Variants in SLC8A2 observed in about 807,000 individuals in gnomAD.
SLC8A2 encodes the protein solute carrier family 8 member A2.
In SLC8A2, 14 loss-of-function variants were observed where a neutral mutation model predicts 70.2. That is an observed-to-expected ratio of 0.20 (90% CI 0.13 to 0.31). SLC8A2 has a LOEUF of 0.31. Ranked by LOEUF, SLC8A2 falls within the 10% of genes least tolerant of loss-of-function variation. The pLI, the probability that SLC8A2 is intolerant of heterozygous loss-of-function variation, is 1.00. For missense variants in SLC8A2, 779 were observed against 1,320.1 expected (o/e 0.59, Z 6.35); for synonymous variants, 575 against 594.3 (o/e 0.97, Z 0.47).
Position 47,468,293 on chromosome 19 carries a change from G to A in SLC8A2, c.-16-1874C>T, listed in dbSNP as rs1967489608. ...CTGCTGTTCCCCCTTCCTCGAACAC[G>A]CTTCTCTATTTATGTATTTTTGAGA... On this transcript the variant is annotated intron_variant, in intron 1 of 9. Transcript: ENST00000236877. This position sits in a 1 kb window ranked among gnomAD's most constrained non-coding sequence, Gnocchi z 5.1. Among the ~76,000 whole-genome samples the A allele has an allele frequency of 6.6e-6, 1 of 151,914 alleles. No homozygotes were observed. The highest frequency in any genetic ancestry group is 6.6e-5 in the Admixed American group (1 of 15,224).
intron 6 of SLC8A2, 48 bp from the exon 7 acceptor site, chr19:47,438,021 TGGGCC>T: frequency 6.2e-7 from 1 of 1,611,342 alleles, no homozygotes; most frequent in Non-Finnish European, 8.5e-7. Flanking sequence ...CCTACCTAAT[TGGGCC>T]TGTGACGCCT....
rs1223907465 is a variant in SLC8A2, at chr19:47,447,003, C to A, written c.1763+806G>T. 6.6e-6 allele frequency among the ~76,000 whole-genome samples: 1 copy of A among 152,116 alleles called. No homozygotes were observed. The highest frequency in any genetic ancestry group is 1.5e-5 in the Non-Finnish European group (1 of 68,010). ...CAGGCTCCCCAGTGTCTCCCCAGGC[C>A]CTGCCCTGCCTTCCCAGGCCCCCAG... On this transcript the variant is annotated intron_variant, in intron 4 of 9. Coordinates refer to ENST00000236877, the MANE Select transcript of SLC8A2 (RefSeq NM_015063.3). The surrounding 1 kb of genome is among the most constrained non-coding windows in gnomAD (Gnocchi z 5.1).
intron 2 of SLC8A2, among the ~76,000 whole-genome samples, chr19:47,462,313 G>A (rs1967405423): frequency 6.6e-6 from 1 of 152,004 alleles, no homozygotes; most frequent in Non-Finnish European, 1.5e-5. Flanking sequence ...TGCCCAGGCT[G>A]GAGTGCAGTG....
intron 6 of SLC8A2, among the ~76,000 whole-genome samples, chr19:47,439,646 C>T (rs1234667279): frequency 1.3e-5 from 2 of 151,560 alleles, no homozygotes; most frequent in Admixed American, 6.6e-5. Flanking sequence ...TCCTTCCTCC[C>T]CTCCCTCCCT....
At chr19:47,441,888 G>A (rs1967104209) in intron 4 of SLC8A2, among the ~76,000 whole-genome samples, 1 of 152,216 alleles carries the variant, frequency 6.6e-6, no homozygotes. Flanking sequence ...CGGATCACGA[G>A]GTCAAGAGAT....
In SLC8A2 at chr19:47,432,675, A is replaced by C. The variant is rs1401643433; in HGVS notation, c.2111-230T>G. 2 of 470,100 alleles carry C rather than the reference A, an allele frequency of 4.3e-6. No individual in the cohort carries two copies. Among genetic ancestry groups the C allele is most frequent in the Non-Finnish European group, 7.4e-6 (2 of 269,028 alleles). The allele number at this position is 470,100 out of a possible 1,614,324, so 29.1% of individuals were successfully genotyped here. On this transcript the variant is annotated intron_variant, in intron 8 of 9. Coordinates refer to ENST00000236877, the MANE Select transcript of SLC8A2 (RefSeq NM_015063.3). The surrounding 1 kb of genome is among the most constrained non-coding windows in gnomAD (Gnocchi z 6.2). ...GGTGAAAAATATTTACTTTCCCAGA[A>C]TCCTTTGGATCTAAATATGGCTAAG...
At chr19:47,453,286 T>C (rs1967266458) in intron 3 of SLC8A2, among the ~76,000 whole-genome samples, 1 of 152,198 alleles carries the variant, frequency 6.6e-6, no homozygotes, top group Admixed American at 6.5e-5. Flanking sequence ...ATAATAGAAA[T>C]GCAAATCTAC....
At position 47,470,065 on chromosome 19, in the gene SLC8A2, G is replaced by A. The variant is rs569197096; in HGVS notation, c.-17+1724C>T. Among the ~76,000 whole-genome samples, 35 of 152,316 alleles carry A rather than the reference G, an allele frequency of 2.3e-4. 1 individual carries two copies. The South Asian group carries it at 6.4e-3, about 28-fold the overall frequency. On this transcript the variant is annotated intron_variant, in intron 1 of 9. Transcript: ENST00000236877. ...CTTTTCTGACTGTGCCTGTGTTGGG[G>A]GGCTGGCCCTTGCAGGACCGAGCTG... is the stretch of plus-strand genomic sequence containing the variant.
At chr19:47,467,407 C>A (rs1408294079) in intron 1 of SLC8A2, among the ~76,000 whole-genome samples, 2 of 152,044 alleles carry the variant, frequency 1.3e-5, no homozygotes, top group Non-Finnish European at 2.9e-5. Flanking sequence ...GGTGTTGGGC[C>A]GTGTTTGTCT....
chr19:47,463,679 CA>C lies in SLC8A2; in HGVS notation c.675+2049del, dbSNP rs200422472. Among the ~76,000 whole-genome samples, 928 of 120,050 alleles carry C rather than the reference CA, an allele frequency of 7.7e-3. 3 individuals carry two copies. Among genetic ancestry groups the C allele is most frequent in the East Asian group, 0.063 (260 of 4,124 alleles). 78.8% of individuals were successfully genotyped at this position (120,050 alleles called of 152,430 possible). A position where few individuals can be genotyped will look rare whatever the true frequency, so the allele number is the denominator to read the frequency against. On this transcript the variant is annotated intron_variant, in intron 2 of 9. Transcript: ENST00000236877. ...AGAGCGACAGAGAAAGACTCTGTCTCAAAAAAAAAAAAAAAGAAAGAAATAG... is the reference window on the plus strand; with the variant it reads ...AGAGCGACAGAGAAAGACTCTGTCTCAAAAAAAAAAAAAAGAAAGAAATAG...
Position 47,466,388 on chromosome 19 carries a change from A to C in SLC8A2, c.16T>G (p.Leu6Val), listed in dbSNP as rs892282666. The part of the protein sequence containing the change: MAPLA[L>V]VGVTLLLAAP... ...GCCAGGAGGAGTGTGACCCCCACCA[A>C]GGCCAGGGGAGCCATGGGGGGTGGT... Residue 6 changes from leucine to valine, a missense_variant, in exon 2 of 10, where the codon TTG becomes GTG. By Grantham distance (32) the Leu-to-Val change is conservative (BLOSUM62 1). Around this residue, in one of 6 missense-constraint regions of SLC8A2, gnomAD observed 65 missense variants for 61.3 expected, o/e 1.06. Transcript: ENST00000236877. The surrounding 1 kb of genome is among the most constrained non-coding windows in gnomAD (Gnocchi z 6.9). 8 of 1,418,204 alleles carry C rather than the reference A, an allele frequency of 5.6e-6. No homozygotes were observed. In the African/African-American group the frequency reaches 1.0e-4, roughly 18 times the overall value. The allele number at this position is 1,418,204 out of a possible 1,614,324, so 87.9% of individuals were successfully genotyped here. A position where few individuals can be genotyped will look rare whatever the true frequency, so the allele number is the denominator to read the frequency against.
intron 8 of SLC8A2, among the ~76,000 whole-genome samples, chr19:47,435,419 G>A (rs966235120): frequency 1.3e-5 from 2 of 151,930 alleles, no homozygotes; most frequent in African/African-American, 4.8e-5. Flanking sequence ...CTCATCCTCC[G>A]TCTCCACTAA....
intron 8 of SLC8A2, among the ~76,000 whole-genome samples, chr19:47,433,667 T>G (rs75380522): frequency 6.6e-6 from 1 of 151,868 alleles, no homozygotes; most frequent in South Asian, 2.1e-4. Context: ...TTTTTTTTTT[T>G]GAGACAGAGC....
At chr19:47,460,303 G>A (rs1967378235) in intron 2 of SLC8A2, among the ~76,000 whole-genome samples, 1 of 152,196 alleles carries the variant, frequency 6.6e-6, no homozygotes, top group Non-Finnish European at 1.5e-5. Context: ...TCATCTCTTG[G>A]TCTATACAAT....
At chr19:47,446,285 AG>A (rs1220900690) in intron 4 of SLC8A2, among the ~76,000 whole-genome samples, 15 of 10,658 alleles carry the variant, frequency 1.4e-3, no homozygotes, top group African/African-American at 6.4e-3. Flanking sequence ...CATCCTGGGC[AG>A]GGGGGTGGGG....
chr19:47,465,656 C>T lies in SLC8A2; in HGVS notation c.675+73G>A. On this transcript the variant is annotated intron_variant, in intron 2 of 9. Transcript: ENST00000236877. The surrounding 1 kb of genome is among the most constrained non-coding windows in gnomAD (Gnocchi z 5.5). Reference sequence around the variant, plus strand: ...TTCTGCAAATACAGCAATCAACACTCCAAGCCAAGAGCACCTCTCTGGATT... The same window carrying T: ...TTCTGCAAATACAGCAATCAACACTTCAAGCCAAGAGCACCTCTCTGGATT... The T allele has an allele frequency of 7.6e-7, 1 of 1,315,378 alleles. No individual in the cohort carries two copies. The highest frequency in any genetic ancestry group is 1.0e-6 in the Non-Finnish European group (1 of 959,054). 81.5% of individuals were successfully genotyped at this position (1,315,378 alleles called of 1,614,324 possible). A position where few individuals can be genotyped will look rare whatever the true frequency, so the allele number is the denominator to read the frequency against.
In SLC8A2 at chr19:47,447,680, C is replaced by T; in HGVS notation, c.1763+129G>A. ...CGGGCACGGCCACGCAGGCCCCTCCCCTCCCGAGGCCCAACCAAGACCCGC... is the reference window on the plus strand; with the variant it reads ...CGGGCACGGCCACGCAGGCCCCTCCTCTCCCGAGGCCCAACCAAGACCCGC... On this transcript the variant is annotated intron_variant, in intron 4 of 9. Coordinates refer to ENST00000236877, the MANE Select transcript of SLC8A2 (RefSeq NM_015063.3). The surrounding 1 kb of genome is among the most constrained non-coding windows in gnomAD (Gnocchi z 5.1). 4.0e-6 allele frequency: 4 copies of T among 988,612 alleles called. No individual in the cohort carries two copies. Among genetic ancestry groups the T allele is most frequent in the South Asian group, 1.8e-5 (1 of 54,920 alleles). The allele number at this position is 988,612 out of a possible 1,614,324, so 61.2% of individuals were successfully genotyped here.
intron 1 of SLC8A2, among the ~76,000 whole-genome samples, chr19:47,467,916 G>A (rs1453732184): frequency 2.0e-5 from 3 of 150,436 alleles, no homozygotes. Context: ...TGAAGCATGA[G>A]AATCGCTTGA....
chr19:47,448,105 G>A lies in SLC8A2; in HGVS notation c.1467C>T (p.Asp489=), dbSNP rs1286643839. Residue 489 remains aspartate, a synonymous_variant, in exon 4 of 10, where the codon GAC becomes GAT. Coordinates refer to ENST00000236877, the MANE Select transcript of SLC8A2 (RefSeq NM_015063.3). This position sits in a 1 kb window ranked among gnomAD's most constrained non-coding sequence, Gnocchi z 4.8. ...CGTCCGGCTCGAACATGCCCTGCGCGTCGCCCACGCGCAGGTTCAGCAGCC... is the reference window on the plus strand; with the variant it reads ...CGTCCGGCTCGAACATGCCCTGCGCATCGCCCACGCGCAGGTTCAGCAGCC... The part of the protein sequence containing the change: ...FVRLLNLRVG[D]AQGMFEPDGG... The A allele has an allele frequency of 1.2e-6, 2 of 1,609,972 alleles. No individual in the cohort carries two copies. The highest frequency in any genetic ancestry group is 2.2e-5 in the East Asian group (1 of 44,768).
Sources: gnomAD v4.1 joint callset for allele counts (sites outside exome capture counted in the v4.1 genomes callset) on GRCh38, gnomAD v4.1.1 for gene constraint, gnomAD v4.1.1 regional missense constraint, Gnocchi (gnomAD v3.1) non-coding constraint, MANE v1.5 for transcripts, NCBI Gene and HGNC (gene_info 2026-07-23, HGNC 2026-07-21) for gene names.